GLIS1: variants seen among roughly 807,000 people sequenced by gnomAD.
GLIS1 encodes zinc finger protein GLIS1.
In GLIS1, 24 loss-of-function variants were observed where a neutral mutation model predicts 63.8. That is an observed-to-expected ratio of 0.38 (90% confidence interval 0.27 to 0.53). The LOEUF is 0.53. Among genes scored for constraint, GLIS1 ranks in the 20% least tolerant of loss-of-function variants. The pLI is 0.85. For synonymous variants in GLIS1, 450 were observed against 482.5 expected, an observed-to-expected ratio of 0.93 and a Z score of 0.88; for missense variants, 1,036 against 1,074.1, an observed-to-expected ratio of 0.96 and a Z score of 0.50.
intron 2 of GLIS1, among the ~76,000 whole-genome samples, chr1:53,727,307 T>C (rs548577607): frequency 2.0e-5 from 3 of 152,288 alleles, no homozygotes; most frequent in African/African-American, 7.2e-5. Flanking sequence ...ATGAGACCAA[T>C]ACATCCCCCA....
At chr1:53,565,681 C>T (rs116419296) in intron 4 of GLIS1, among the ~76,000 whole-genome samples, 36 of 151,966 alleles carry the variant, frequency 2.4e-4, no homozygotes, top group African/African-American at 8.4e-4. Context: ...AAAGCATTAA[C>T]AGTTCTATGC....
chr1:53,720,345 C>T (rs1417890830), intron 2 of GLIS1, among the ~76,000 whole-genome samples: 2 of 152,172 alleles, frequency 1.3e-5, no homozygotes, highest in South Asian at 4.1e-4. Context: ...GAAATCCTGT[C>T]ATCTGCATCA....
chr1:53,620,191 T>C (rs3006899), intron 2 of GLIS1, among the ~76,000 whole-genome samples: 14,501 of 152,300 alleles, frequency 0.095, 834 homozygotes, highest in South Asian at 0.18. Context: ...TCTCCTAGGC[T>C]GCTGGGCTCT....
chr1:53,550,410 G>A (rs746676563), intron 4 of GLIS1, among the ~76,000 whole-genome samples: 1 of 152,244 alleles, frequency 6.6e-6, no homozygotes, highest in Non-Finnish European at 1.5e-5. Flanking sequence ...AGGGCTGGGA[G>A]GGTTAGACAT....
rs1644470626 is a variant in GLIS1 at position 53,526,521 on chromosome 1, C to T, written c.1483-1634G>A. Reference sequence around the variant, plus strand: ...CCAGAGGTAGGCTCCCTCTCTCACACACCATACACACACACACACACACAC... The same window carrying T: ...CCAGAGGTAGGCTCCCTCTCTCACATACCATACACACACACACACACACAC... On this transcript the variant is annotated intron_variant, in intron 5 of 10. Transcript: ENST00000628545. This position sits in a 1 kb window ranked among gnomAD's most constrained non-coding sequence, Gnocchi z 4.4. 6.7e-6 allele frequency among the ~76,000 whole-genome samples: 1 copy of T among 149,644 alleles called. No homozygotes were observed. Among genetic ancestry groups the T allele is most frequent in the Non-Finnish European group, 1.5e-5 (1 of 67,832 alleles).
At chr1:53,541,582 G>A (rs1644643371) in intron 4 of GLIS1, among the ~76,000 whole-genome samples, 1 of 152,244 alleles carries the variant, frequency 6.6e-6, no homozygotes, top group Non-Finnish European at 1.5e-5. Context: ...CTAGACCCAG[G>A]ACATCAGCCC....
At chr1:53,562,600 G>A (rs745425863) in intron 4 of GLIS1, among the ~76,000 whole-genome samples, 11 of 152,016 alleles carry the variant, frequency 7.2e-5, no homozygotes, top group African/African-American at 2.2e-4. Context: ...ACTCCACATC[G>A]CACCACACTG....
At chr1:53,660,410 G>A (rs1341730222) in intron 2 of GLIS1, among the ~76,000 whole-genome samples, 1 of 152,232 alleles carries the variant, frequency 6.6e-6, no homozygotes, top group Non-Finnish European at 1.5e-5. Flanking sequence ...ACTCAGAGAT[G>A]AGGACAGCGT....
chr1:53,519,279 T>C (rs1306774891), intron 7 of GLIS1, among the ~76,000 whole-genome samples: 1 of 152,174 alleles, frequency 6.6e-6, no homozygotes, highest in Non-Finnish European at 1.5e-5. Flanking sequence ...CATCCGCCTG[T>C]GTCCTCGCCC....
chr1:53,612,593 T>C (rs1645435875), intron 2 of GLIS1, among the ~76,000 whole-genome samples: 1 of 152,150 alleles, frequency 6.6e-6, no homozygotes, highest in African/African-American at 2.4e-5. Flanking sequence ...TGACCCCTCA[T>C]GATCTGCCTG....
At chr1:53,596,448 C>T (rs543473401) in intron 3 of GLIS1, among the ~76,000 whole-genome samples, 2 of 152,294 alleles carry the variant, frequency 1.3e-5, no homozygotes, top group East Asian at 1.9e-4. Flanking sequence ...GGACACCCCA[C>T]GCCACCTCAT....
At chr1:53,590,003 T>TC (rs1645172674) in intron 4 of GLIS1, among the ~76,000 whole-genome samples, 1 of 152,182 alleles carries the variant, frequency 6.6e-6, no homozygotes, top group African/African-American at 2.4e-5. Context: ...CAGTCTCAAG[T>TC]CCAGGCTCTG....
At chr1:53,664,822 C>T (rs1290758070) in intron 2 of GLIS1, among the ~76,000 whole-genome samples, 2 of 151,932 alleles carry the variant, frequency 1.3e-5, no homozygotes, top group African/African-American at 2.4e-5. Flanking sequence ...CCTGAAGGAG[C>T]GAGGGAGCAT....
intron 2 of GLIS1, among the ~76,000 whole-genome samples, chr1:53,642,317 A>T (rs1038333547): frequency 6.6e-6 from 1 of 152,206 alleles, no homozygotes; most frequent in Non-Finnish European, 1.5e-5. Context: ...GAAGGCGAGC[A>T]CTGGAGAGAT....
At chr1:53,510,075 G>A (rs1644283912) in intron 8 of GLIS1, 48 bp from the exon 9 acceptor site, 2 of 1,129,124 alleles carry the variant, frequency 1.8e-6, no homozygotes, top group South Asian at 9.0e-5. Flanking sequence ...CTGGAGGGTG[G>A]GGGCCAGAGG....
chr1:53,512,445 T>C (rs978699346), intron 8 of GLIS1, among the ~76,000 whole-genome samples: 2 of 152,192 alleles, frequency 1.3e-5, no homozygotes, highest in Non-Finnish European at 2.9e-5. Context: ...CCTCTTAGCA[T>C]ATTTTTGAGT....
chr1:53,638,435 G>A (rs377334728), intron 2 of GLIS1, among the ~76,000 whole-genome samples: 2 of 152,104 alleles, frequency 1.3e-5, no homozygotes, highest in Non-Finnish European at 2.9e-5. Context: ...GAAAGATGAC[G>A]CAGAGACCCA....
chr1:53,551,940 T>C (rs189158372), intron 4 of GLIS1, among the ~76,000 whole-genome samples: 3 of 151,932 alleles, frequency 2.0e-5, no homozygotes, highest in African/African-American at 4.8e-5. Flanking sequence ...AAGCACTCCA[T>C]ATTCACCCAC....
intron 2 of GLIS1, among the ~76,000 whole-genome samples, chr1:53,677,324 A>T (rs1646223909): frequency 6.6e-6 from 1 of 152,214 alleles, no homozygotes; most frequent in Admixed American, 6.5e-5. Context: ...AGGTGAGAAG[A>T]TGTAGGCACA....
Sources: allele counts gnomAD v4.1 joint callset (sites outside exome capture counted in the v4.1 genomes callset), GRCh38; gene constraint gnomAD v4.1.1; non-coding constraint Gnocchi (gnomAD v3.1); transcripts MANE v1.5; gene names NCBI Gene and HGNC (gene_info 2026-07-23, HGNC 2026-07-21).